The following KIF2A variants were observed in gnomAD, a reference collection of about 807,000 sequenced individuals.
KIF2A encodes kinesin family member 2A, also known as kinesin-like protein KIF2A.
In KIF2A, 22 loss-of-function variants were observed where a neutral mutation model predicts 100.2. That is an observed-to-expected ratio of 0.22 (90% CI 0.16 to 0.31). The LOEUF (loss-of-function observed/expected upper bound fraction) is 0.31, where lower values mean the gene tolerates loss of function less well. Among genes scored for constraint, KIF2A ranks in the 10% least tolerant of loss-of-function variants. The probability of loss-of-function intolerance (pLI) is 1.00; values close to 1 mark genes in which losing one functional copy is unlikely to be tolerated. For missense variants in KIF2A, 495 were observed against 898.7 expected (o/e 0.55, Z 5.74); for synonymous variants, 268 against 285.9 (o/e 0.94, Z 0.63).
intron 5 of KIF2A, 186 bp from the exon 6 acceptor site, chr5:62,353,089 C>T (rs1747936820): frequency 6.2e-6 from 3 of 481,014 alleles, no homozygotes; most frequent in Non-Finnish European, 1.1e-5. Flanking sequence ...GGACTCTCAT[C>T]TGTACATTGT....
At chr5:62,306,744 C>T (rs934697757) in intron 1 of KIF2A, among the ~76,000 whole-genome samples, 2 of 152,112 alleles carry the variant, frequency 1.3e-5, no homozygotes, top group African/African-American at 2.4e-5. Context: ...CCGGATCGGG[C>T]CGCGGGGGAG....
At position 62,376,505 on chromosome 5, in the gene KIF2A, C is replaced by T. The variant is rs554490116; in HGVS notation, c.1912-1156C>T. 7.9e-5 allele frequency among the ~76,000 whole-genome samples: 12 copies of T among 152,072 alleles called. No individual in the cohort carries two copies. The South Asian group carries it at 2.3e-3, about 29-fold the overall frequency. The stretch of plus-strand genomic sequence containing the variant: ...CACGATCTCAGCTTACTGCAACCTC[C>T]GCCTCCCGGGTTAAAGTGATTCTCC... On this transcript the variant is annotated intron_variant, in intron 18 of 20. Transcript: ENST00000407818.
rs775705410 is a variant in KIF2A, at chr5:62,385,450, A to G, written c.2150-34A>G. Reference sequence around the variant, plus strand: ...TGTAAACTCTTACTGCGTGTAATACAATACTTATTCCCTCTTTCTTTTCTT... The same window carrying G: ...TGTAAACTCTTACTGCGTGTAATACGATACTTATTCCCTCTTTCTTTTCTT... On this transcript the variant is annotated intron_variant, in intron 20 of 20. Transcript: ENST00000407818. 21 of 1,457,042 alleles carry G rather than the reference A, an allele frequency of 1.4e-5. No homozygotes were observed. In the East Asian group the frequency reaches 4.7e-4, roughly 32 times the overall value. 90.3% of individuals were successfully genotyped at this position (1,457,042 alleles called of 1,614,324 possible). A position where few individuals can be genotyped will look rare whatever the true frequency, so the allele number is the denominator to read the frequency against.
chr5:62,347,713 C>T (rs577671592), intron 2 of KIF2A, among the ~76,000 whole-genome samples: 19 of 151,946 alleles, frequency 1.3e-4, no homozygotes, highest in African/African-American at 4.6e-4. Flanking sequence ...GCAGCCTTGA[C>T]CTCCTGGGCT....
chr5:62,344,017 CTG>C (rs1342205191), intron 1 of KIF2A, among the ~76,000 whole-genome samples: 2 of 152,196 alleles, frequency 1.3e-5, no homozygotes, highest in African/African-American at 4.8e-5. Context: ...TGCTTATTCA[CTG>C]TGTAACTTTG....
At position 62,390,943 on chromosome 5, in the gene KIF2A, G is replaced by A; in HGVS notation, c.*5374G>A. 6.2e-7 allele frequency: 1 copy of A among 1,612,782 alleles called. No individual in the cohort carries two copies. Among genetic ancestry groups the A allele is most frequent in the South Asian group, 1.1e-5 (1 of 91,020 alleles). On this transcript the variant is annotated 3_prime_UTR_variant, in exon 21 of 21. Transcript: ENST00000407818. ...CTAAAACCTGTGCTGGTTAGGATTT[G>A]CTGTATTTTATCTGCTATGCTGAAA...
intron 1 of KIF2A, among the ~76,000 whole-genome samples, chr5:62,331,916 AT>A (rs1489685366): frequency 6.6e-6 from 1 of 152,142 alleles, no homozygotes; most frequent in African/African-American, 2.4e-5. Context: ...TAAAATACAT[AT>A]TTTTGTTAGA....
chr5:62,350,294 T>C (rs1406055227), intron 4 of KIF2A, among the ~76,000 whole-genome samples, 174 bp downstream of exon 4: 1 of 152,018 alleles, frequency 6.6e-6, no homozygotes, highest in African/African-American at 2.4e-5. Context: ...GGTTTTTTTT[T>C]TGAGACAGGG....
intron 1 of KIF2A, among the ~76,000 whole-genome samples, chr5:62,312,254 G>A (rs1207138897): frequency 6.6e-6 from 1 of 152,214 alleles, no homozygotes; most frequent in African/African-American, 2.4e-5. Flanking sequence ...GAAAGGCTAT[G>A]TGTCAACTTG....
intron 1 of KIF2A, among the ~76,000 whole-genome samples, chr5:62,342,482 G>C (rs1747345221): frequency 1.3e-5 from 2 of 152,164 alleles, no homozygotes; most frequent in African/African-American, 2.4e-5. Context: ...AGGGCCTTTA[G>C]GTTTGGGGTT....
intron 1 of KIF2A, among the ~76,000 whole-genome samples, chr5:62,343,550 C>T (rs1747405458): frequency 6.6e-6 from 1 of 152,104 alleles, no homozygotes; most frequent in African/African-American, 2.4e-5. Context: ...ATTGAAAGGA[C>T]TTTAGCTTCT....
intron 1 of KIF2A, among the ~76,000 whole-genome samples, chr5:62,319,790 T>A (rs1410834280): frequency 6.6e-6 from 1 of 152,212 alleles, no homozygotes. Flanking sequence ...GTGTCACTGT[T>A]TTTAATGTAT....
chr5:62,321,171 T>C (rs1274880823), intron 1 of KIF2A, among the ~76,000 whole-genome samples: 1 of 152,218 alleles, frequency 6.6e-6, no homozygotes, highest in Non-Finnish European at 1.5e-5. Flanking sequence ...CATTAATCGA[T>C]AGACATTTGG....
intron 1 of KIF2A, among the ~76,000 whole-genome samples, chr5:62,310,069 T>A (rs12696989): frequency 0.56 from 75,244 of 133,328 alleles, 20,031 homozygotes; most frequent in South Asian, 0.67. Context: ...AACTAATAAT[T>A]CTTTTTTTTT....
Position 62,390,092 on chromosome 5 carries a change from A to C in KIF2A, c.*4523A>C, listed in dbSNP as rs998976174. On this transcript the variant is annotated 3_prime_UTR_variant, in exon 21 of 21. Transcript: ENST00000407818. ...CTGTGTTTCCAGCTTAGAAAAAGTC[A>C]AACCAATGACTTTTAGAACAATCTA... Among the ~76,000 whole-genome samples, 3 of 152,216 alleles carry C rather than the reference A, an allele frequency of 2.0e-5. No individual in the cohort carries two copies. In the East Asian group the frequency reaches 5.8e-4, roughly 29 times the overall value.
At chr5:62,380,410 AAGTAG>A (rs1580103601) in intron 19 of KIF2A, among the ~76,000 whole-genome samples, 1 of 152,146 alleles carries the variant, frequency 6.6e-6, no homozygotes, top group African/African-American at 2.4e-5. Context: ...TTCCCATCCA[AAGTAG>A]AGTAAAGATA....
At chr5:62,341,892 A>T (rs1028470672) in intron 1 of KIF2A, among the ~76,000 whole-genome samples, 1 of 152,078 alleles carries the variant, frequency 6.6e-6, no homozygotes, top group African/African-American at 2.4e-5. Context: ...TTGCATGGAG[A>T]TCCACCTTGG....
rs971418272 is a variant in KIF2A at position 62,306,328 on chromosome 5, G to C, written c.-145G>C. ...CTGCTTCCCCACAGCTGCTCCTTGC[G>C]GCCCCGCTTGCGTTCACGCTGTCGC... On this transcript the variant is annotated 5_prime_UTR_variant, in exon 1 of 21. Transcript: ENST00000407818. 3.0e-6 allele frequency: 2 copies of C among 660,962 alleles called. No homozygotes were observed. The highest frequency in any genetic ancestry group is 1.9e-5 in the African/African-American group (1 of 52,688). 40.9% of individuals were successfully genotyped at this position (660,962 alleles called of 1,614,324 possible). A position where few individuals can be genotyped will look rare whatever the true frequency, so the allele number is the denominator to read the frequency against.
At chr5:62,358,093 T>G in intron 8 of KIF2A, 44 bp from the exon 9 acceptor site, 2 of 1,390,128 alleles carry the variant, frequency 1.4e-6, no homozygotes, top group Non-Finnish European at 1.9e-6. Context: ...TGAACTCAAA[T>G]GCTGTGAAAA....
Sources: gnomAD v4.1 joint callset for allele counts (sites outside exome capture counted in the v4.1 genomes callset) on GRCh38, gnomAD v4.1.1 for gene constraint, MANE v1.5 for transcripts, NCBI Gene and HGNC (gene_info 2026-07-23, HGNC 2026-07-21) for gene names.